The following RDH11 variants were observed in gnomAD, a reference collection of about 807,000 sequenced individuals.
The protein encoded by RDH11 is HCV core-binding protein HCBP12.
RDH11 carries 19 observed loss-of-function variants against 33.4 expected under a neutral mutation model. That is an observed-to-expected ratio of 0.57 (90% CI 0.40 to 0.83). The LOEUF (loss-of-function observed/expected upper bound fraction) is 0.83. RDH11 is among the 40% of genes least tolerant of loss of function. RDH11 has a pLI of 0.00. For synonymous variants in RDH11, 154 were observed against 155.3 expected (o/e 0.99, Z 0.06); for missense variants, 353 against 389.0 (o/e 0.91, Z 0.78).
chr14:67,688,386 TG>T (rs1464941770), intron 5 of RDH11, among the ~76,000 whole-genome samples: 3 of 152,202 alleles, frequency 2.0e-5, no homozygotes, highest in Admixed American at 6.5e-5. Flanking sequence ...TAAATCCATA[TG>T]TACTAAATGG....
rs1378485450 is a variant in RDH11, at chr14:67,692,460, A to C, written c.327T>G (p.Ala109=). ...LDLSDTKSIR[A]FAKGFLAEEK... is the part of the protein sequence containing the mutation. ...TACCAGCTAAGAAGCCCTTAGCAAA[A>C]GCTCGAATAGACTTAGTATCAGACA... Residue 109 remains alanine, a synonymous_variant, in exon 3 of 7, where the codon GCT becomes GCG. Transcript: ENST00000381346. 1.9e-6 allele frequency: 3 copies of C among 1,614,038 alleles called. No individual in the cohort carries two copies. The highest frequency in any genetic ancestry group is 4.5e-5 in the East Asian group (2 of 44,884).
intron 1 of RDH11, among the ~76,000 whole-genome samples, chr14:67,694,596 T>C (rs1380617509): frequency 6.6e-6 from 1 of 151,538 alleles, no homozygotes; most frequent in Admixed American, 6.6e-5. Flanking sequence ...TGAGATTCTA[T>C]GTGGATAAGA....
In RDH11 at chr14:67,682,280, T is replaced by TAA. The variant is rs372323368; in HGVS notation, c.854+2733_854+2734dup. 3.0e-4 allele frequency among the ~76,000 whole-genome samples: 46 copies of TAA among 152,294 alleles called. 1 individual carries two copies. Among genetic ancestry groups the TAA allele is most frequent in the African/African-American group, 1.1e-3 (45 of 41,562 alleles). ...AGATAAACTGGACTTCATCAAAATT[T>TAA]AAGTTTTACATTTCAAAAGATACCA... On this transcript the variant is annotated intron_variant, in intron 6 of 6. Transcript: ENST00000381346.
In RDH11 at chr14:67,695,617, C is replaced by G; in HGVS notation, c.74+13G>C. On this transcript the variant is annotated intron_variant, in intron 1 of 6. Transcript: ENST00000381346. ...CAAGAATTCTCAAGAGAAGGCAATA[C>G]ATTTGCACAGACCTGATTTGGGGCG... is the stretch of plus-strand genomic sequence containing the variant. The G allele has an allele frequency of 6.2e-7, 1 of 1,612,060 alleles. No individual in the cohort carries two copies. The highest frequency in any genetic ancestry group is 8.5e-7 in the Non-Finnish European group (1 of 1,178,714).
chr14:67,683,950 C>T (rs2037645664), intron 6 of RDH11, among the ~76,000 whole-genome samples: 1 of 152,236 alleles, frequency 6.6e-6, no homozygotes, highest in African/African-American at 2.4e-5. Flanking sequence ...TCATCAACCT[C>T]ATTCAGGCTT....
intron 5 of RDH11, among the ~76,000 whole-genome samples, chr14:67,685,788 G>A (rs969433648): frequency 2.0e-5 from 3 of 151,888 alleles, no homozygotes; most frequent in African/African-American, 7.3e-5. Flanking sequence ...GCTAATTTTT[G>A]TATTTTTAGT....
At chr14:67,680,374 C>T (rs1180108801) in intron 6 of RDH11, among the ~76,000 whole-genome samples, 5 of 152,200 alleles carry the variant, frequency 3.3e-5, no homozygotes, top group Non-Finnish European at 5.9e-5. Context: ...GTGCCTTATA[C>T]TCTTCATAAG....
At chr14:67,693,229 C>T (rs2037777996) in intron 1 of RDH11, among the ~76,000 whole-genome samples, 177 bp from the exon 2 acceptor site, 1 of 152,218 alleles carries the variant, frequency 6.6e-6, no homozygotes, top group South Asian at 2.1e-4. Flanking sequence ...AAGTTTTCTG[C>T]TTTTGCTCAA....
intron 5 of RDH11, among the ~76,000 whole-genome samples, chr14:67,687,344 A>C (rs765373520): frequency 2.6e-4 from 39 of 152,148 alleles, no homozygotes; most frequent in Non-Finnish European, 5.7e-4. Flanking sequence ...GTCTCAGCTC[A>C]GATCTTTATT....
chr14:67,691,537 T>TA, intron 3 of RDH11: 1 of 264,752 alleles, frequency 3.8e-6, no homozygotes, highest in South Asian at 7.8e-5. Context: ...CCTCTCTCAA[T>TA]AAAAAGACTT....
rs1481716881 is a variant in RDH11 at position 67,676,869 on chromosome 14, A to T, written c.*1452T>A. On this transcript the variant is annotated 3_prime_UTR_variant, in exon 7 of 7. Coordinates refer to ENST00000381346, the MANE Select transcript of RDH11 (RefSeq NM_016026.4). ...AAATGAAAACAAAAAATAATCAAAA[A>T]GAATTTTTATTTGTCATTGACAGTT... 1.1e-4 allele frequency: 17 copies of T among 152,362 alleles called. 1 individual carries two copies. The South Asian group carries it at 2.5e-3, about 22-fold the overall frequency. 9.4% of individuals were successfully genotyped at this position (152,362 alleles called of 1,614,324 possible). A position where few individuals can be genotyped will look rare whatever the true frequency, so the allele number is the denominator to read the frequency against.
chr14:67,691,145 T>A lies in RDH11; in HGVS notation c.449A>T (p.His150Leu), dbSNP rs1312404337. 9 of 1,610,142 alleles carry A rather than the reference T, an allele frequency of 5.6e-6. No individual in the cohort carries two copies. Among genetic ancestry groups the A allele is most frequent in the Non-Finnish European group, 7.7e-6 (9 of 1,176,460 alleles). ...DGFEMHIGVN[H>L]LGHFLLTHLL... Reference sequence around the variant, plus strand: ...GATAAGGCCAGATTTCTTACCCAAGTGGTTGACTCCTATGTGCATCTCAAA... The same window carrying A: ...GATAAGGCCAGATTTCTTACCCAAGAGGTTGACTCCTATGTGCATCTCAAA... The change falls in exon 4 of 7, where the codon CAC becomes CTC. Residue 150 changes from histidine (H) to leucine (L), a missense_variant. Physicochemically the swap from His to Leu is moderately conservative, Grantham distance 99. Transcript: ENST00000381346.
rs201458765 is a variant in RDH11 at position 67,695,707 on chromosome 14, T to C, written c.-4A>G. ...GCGGGAACATGAGCTCAACCATCTC[T>C]GCCGGCTGCAGCGGCACCAGAGCGG... On this transcript the variant is annotated 5_prime_UTR_variant, in exon 1 of 7. Transcript: ENST00000381346. 22 of 1,613,486 alleles carry C rather than the reference T, an allele frequency of 1.4e-5. No homozygotes were observed. The Admixed American group carries it at 1.5e-4, about 11-fold the overall frequency.
intron 3 of RDH11, 25 bp from the exon 4 acceptor site, chr14:67,691,269 TG>T (rs2037747126): frequency 6.4e-7 from 1 of 1,551,610 alleles, no homozygotes; most frequent in African/African-American, 1.4e-5. Flanking sequence ...CGATGGAGCG[TG>T]GAAGTGGCTA....
chr14:67,683,037 T>C (rs1216215047), intron 6 of RDH11, among the ~76,000 whole-genome samples: 1 of 152,232 alleles, frequency 6.6e-6, no homozygotes, highest in Non-Finnish European at 1.5e-5. Flanking sequence ...GGCAAATTCT[T>C]AGAGACATAA....
intron 5 of RDH11, among the ~76,000 whole-genome samples, chr14:67,688,923 T>C (rs940151337): frequency 6.6e-6 from 1 of 152,204 alleles, no homozygotes; most frequent in African/African-American, 2.4e-5. Context: ...CGGAACAACA[T>C]GGGCACTGAA....
At chr14:67,679,247 G>C (rs2037582890) in intron 6 of RDH11, among the ~76,000 whole-genome samples, 1 of 152,076 alleles carries the variant, frequency 6.6e-6, no homozygotes, top group Admixed American at 6.6e-5. Context: ...CCATTCATGA[G>C]GGCTGCCCTT....
intron 5 of RDH11, 124 bp downstream of exon 5, chr14:67,690,088 C>T: frequency 1.3e-6 from 1 of 763,012 alleles, no homozygotes; most frequent in Non-Finnish European, 2.2e-6. Context: ...TAAAACTGTA[C>T]CCAATTATAG....
chr14:67,678,871 C>T (rs939219060), intron 6 of RDH11, among the ~76,000 whole-genome samples: 2 of 151,928 alleles, frequency 1.3e-5, no homozygotes, highest in Non-Finnish European at 2.9e-5. Flanking sequence ...TTTCTGGACT[C>T]CTTGAAGTTA....
Sources: gnomAD v4.1 joint callset for allele counts (sites outside exome capture counted in the v4.1 genomes callset) on GRCh38, gnomAD v4.1.1 for gene constraint, MANE v1.5 for transcripts, NCBI Gene and HGNC (gene_info 2026-07-23, HGNC 2026-07-21) for gene names.